Variants in GALNTL6 observed in about 807,000 individuals in gnomAD.
GALNTL6 encodes the protein polypeptide N-acetylgalactosaminyltransferase like 6, also known as polypeptide N-acetylgalactosaminyltransferase-like 6.
GALNTL6 carries 46 observed loss-of-function variants against 73.7 expected under a neutral mutation model. That is an observed-to-expected ratio of 0.62 (90% CI 0.49 to 0.80). The LOEUF (loss-of-function observed/expected upper bound fraction) is 0.80. Among genes scored for constraint, GALNTL6 ranks in the 30% least tolerant of loss-of-function variants. The pLI, the probability that GALNTL6 is intolerant of heterozygous loss-of-function variation, is 0.00. For missense variants in GALNTL6, 604 were observed against 755.0 expected, an observed-to-expected ratio of 0.80 and a Z score of 2.34; for synonymous variants, 259 against 263.7, an observed-to-expected ratio of 0.98 and a Z score of 0.17.
chr4:172,243,270 C>A (rs1737510699), intron 3 of GALNTL6, among the ~76,000 whole-genome samples: 1 of 152,172 alleles, frequency 6.6e-6, no homozygotes, highest in African/African-American at 2.4e-5. Flanking sequence ...GATCATATGT[C>A]CCCAGTTTAG....
chr4:172,878,956 G>A (rs1745322850), intron 7 of GALNTL6, among the ~76,000 whole-genome samples: 1 of 151,656 alleles, frequency 6.6e-6, no homozygotes, highest in Non-Finnish European at 1.5e-5. Flanking sequence ...AAATAAAGCT[G>A]GAGTGACTAT....
In GALNTL6 at chr4:172,068,382, G is replaced by T. The variant is rs575931861; in HGVS notation, c.139-161274G>T. 2.5e-4 allele frequency among the ~76,000 whole-genome samples: 27 copies of T among 109,956 alleles called. 7 individuals carry two copies. The highest frequency in any genetic ancestry group is 8.2e-4 in the African/African-American group (24 of 29,240). 72.1% of individuals were successfully genotyped at this position (109,956 alleles called of 152,430 possible). Reference sequence around the variant, plus strand: ...AGGCACCATGCTTGCTGCATGATCTGCTTTCTGGCTTCTGCCTGATGTTAT... The same window carrying T: ...AGGCACCATGCTTGCTGCATGATCTTCTTTCTGGCTTCTGCCTGATGTTAT... On this transcript the variant is annotated intron_variant, in intron 2 of 12. Coordinates refer to ENST00000506823, the MANE Select transcript of GALNTL6 (RefSeq NM_001034845.3).
At chr4:172,062,233 C>T (rs1387697821) in intron 2 of GALNTL6, among the ~76,000 whole-genome samples, 2 of 152,020 alleles carry the variant, frequency 1.3e-5, no homozygotes, top group Admixed American at 6.6e-5. Flanking sequence ...GGATTACAGG[C>T]ATAAGCCACT....
intron 5 of GALNTL6, among the ~76,000 whole-genome samples, chr4:172,741,025 A>G (rs917143401): frequency 6.6e-6 from 1 of 152,188 alleles, no homozygotes; most frequent in African/African-American, 2.4e-5. Context: ...CAAAAATTAC[A>G]GTTGATTTGC....
At chr4:172,276,296 G>C in intron 3 of GALNTL6, among the ~76,000 whole-genome samples, 1 of 152,166 alleles carries the variant, frequency 6.6e-6, no homozygotes, top group East Asian at 1.9e-4. Flanking sequence ...ACCATGAGGT[G>C]ACCAGCATAA....
At chr4:172,118,071 A>G (rs1733034676) in intron 2 of GALNTL6, among the ~76,000 whole-genome samples, 1 of 152,196 alleles carries the variant, frequency 6.6e-6, no homozygotes, top group African/African-American at 2.4e-5. Flanking sequence ...TACCTTCAGG[A>G]AAAACAACTG....
intron 10 of GALNTL6, among the ~76,000 whole-genome samples, chr4:172,997,552 C>A (rs913140092): frequency 6.6e-6 from 1 of 152,060 alleles, no homozygotes; most frequent in East Asian, 1.9e-4. Flanking sequence ...GAATTTCTCT[C>A]TGTGTCTATT....
chr4:172,345,455 T>C (rs1173765688), intron 4 of GALNTL6, among the ~76,000 whole-genome samples: 2 of 152,196 alleles, frequency 1.3e-5, no homozygotes, highest in Non-Finnish European at 2.9e-5. Context: ...CCAGTAATAA[T>C]TCAAAAGCTG....
chr4:172,128,334 C>G (rs936248002), intron 2 of GALNTL6, among the ~76,000 whole-genome samples: 1 of 152,068 alleles, frequency 6.6e-6, no homozygotes, highest in Admixed American at 6.5e-5. Context: ...TTTGAGCTGA[C>G]TATGCCAGAT....
chr4:172,324,073 A>G (rs1173065522), intron 4 of GALNTL6, among the ~76,000 whole-genome samples: 1 of 152,010 alleles, frequency 6.6e-6, no homozygotes, highest in Admixed American at 6.6e-5. Flanking sequence ...CCTGTTTATT[A>G]TGATTATTAC....
chr4:172,815,763 C>T (rs376009218), intron 7 of GALNTL6, among the ~76,000 whole-genome samples: 1 of 152,136 alleles, frequency 6.6e-6, no homozygotes, highest in South Asian at 2.1e-4. Flanking sequence ...CTGTCCCCTA[C>T]GTAGGTGGTT....
intron 2 of GALNTL6, among the ~76,000 whole-genome samples, chr4:172,025,780 A>T (rs1204114914): frequency 2.0e-5 from 3 of 151,714 alleles, no homozygotes; most frequent in African/African-American, 7.3e-5. Flanking sequence ...CTAAATAAGC[A>T]GGCCTTTGGT....
Position 173,022,066 on chromosome 4 carries a change from G to GGAAGGAAGGAAA in GALNTL6, c.1638+452_1638+453insAGAAGGAAGGAA, listed in dbSNP as rs1561091641. ...AGGAAGGAAGGAAGGAAGGAAGGAA[G>GGAAGGAAGGAAA]GAAGGAAGGAAGGAAGGAAGGAAAG... On this transcript the variant is annotated intron_variant, in intron 12 of 12. Transcript: ENST00000506823. 4.9e-3 allele frequency among the ~76,000 whole-genome samples: 585 copies of GGAAGGAAGGAAA among 118,420 alleles called. 11 individuals are homozygous for GGAAGGAAGGAAA. The highest frequency in any genetic ancestry group is 0.017 in the African/African-American group (469 of 27,394). 77.7% of individuals were successfully genotyped at this position (118,420 alleles called of 152,430 possible). A position where few individuals can be genotyped will look rare whatever the true frequency, so the allele number is the denominator to read the frequency against.
intron 8 of GALNTL6, among the ~76,000 whole-genome samples, chr4:172,930,106 G>A (rs1369261253): frequency 2.6e-5 from 4 of 152,018 alleles, no homozygotes; most frequent in East Asian, 1.9e-4. Context: ...GTGAAACCTC[G>A]CCTCTACTAA....
intron 5 of GALNTL6, among the ~76,000 whole-genome samples, chr4:172,542,319 C>T (rs1161658142): frequency 6.6e-6 from 1 of 152,068 alleles, no homozygotes; most frequent in African/African-American, 2.4e-5. Context: ...TGATCGCTGC[C>T]ATCTTCAAAA....
At chr4:172,457,725 T>C (rs550378955) in intron 5 of GALNTL6, among the ~76,000 whole-genome samples, 3 of 152,310 alleles carry the variant, frequency 2.0e-5, no homozygotes, top group Admixed American at 6.5e-5. Context: ...ATTAGAGTGA[T>C]ACAAAGTGAC....
chr4:172,898,644 A>G (rs1179852867), intron 8 of GALNTL6, among the ~76,000 whole-genome samples: 1 of 152,204 alleles, frequency 6.6e-6, no homozygotes, highest in Non-Finnish European at 1.5e-5. Flanking sequence ...TGCATTCTGA[A>G]TATAGTACAA....
chr4:172,655,074 A>G (rs2073667813), intron 5 of GALNTL6, among the ~76,000 whole-genome samples: 2 of 152,178 alleles, frequency 1.3e-5, no homozygotes, highest in South Asian at 4.1e-4. Context: ...GATCAATACA[A>G]TTCTATAATG....
At chr4:171,820,020 G>T (rs1400895722) in intron 2 of GALNTL6, among the ~76,000 whole-genome samples, 8 of 152,130 alleles carry the variant, frequency 5.3e-5, no homozygotes, top group Non-Finnish European at 8.8e-5. Flanking sequence ...TCACCTCACT[G>T]TACAGCTAAT....
Sources: allele counts gnomAD v4.1 joint callset (sites outside exome capture counted in the v4.1 genomes callset), GRCh38; gene constraint gnomAD v4.1.1; transcripts MANE v1.5; gene names NCBI Gene and HGNC (gene_info 2026-07-23, HGNC 2026-07-21).